The following LRP1B variants were observed in gnomAD, a reference collection of about 807,000 sequenced individuals.
The protein encoded by LRP1B is LDL receptor related protein 1B, also known as low-density lipoprotein receptor-related protein 1B.
A neutral mutation model predicts 556.6 loss-of-function variants in LRP1B; 217 were observed. That is an observed-to-expected ratio of 0.39 (90% CI 0.35 to 0.44). The LOEUF is 0.44. Ranked by LOEUF, LRP1B falls within the 20% of genes least tolerant of loss-of-function variation. The pLI, the probability that LRP1B is intolerant of heterozygous loss-of-function variation, is 1.00. For missense variants in LRP1B, 5,053 were observed against 5,620.8 expected, an observed-to-expected ratio of 0.90 and a Z score of 3.23; for synonymous variants, 2,047 against 1,865.8, an observed-to-expected ratio of 1.10 and a Z score of -2.50.
At chr2:141,200,792 T>A (rs1443279714) in intron 6 of LRP1B, among the ~76,000 whole-genome samples, 1 of 152,164 alleles carries the variant, frequency 6.6e-6, no homozygotes, top group Non-Finnish European at 1.5e-5. Flanking sequence ...GTCCTATATG[T>A]GTAATTCACT....
At chr2:140,943,837 C>T (rs1017136409) in intron 20 of LRP1B, among the ~76,000 whole-genome samples, 3 of 151,896 alleles carry the variant, frequency 2.0e-5, no homozygotes, top group Admixed American at 6.6e-5. Context: ...CTCAAATTAA[C>T]AATCTAATAT....
At chr2:141,631,422 T>C (rs1261792458) in intron 2 of LRP1B, among the ~76,000 whole-genome samples, 1 of 151,902 alleles carries the variant, frequency 6.6e-6, no homozygotes, top group Non-Finnish European at 1.5e-5. Context: ...TAGGAGATCA[T>C]TGTGTGAACT....
intron 3 of LRP1B, among the ~76,000 whole-genome samples, chr2:141,361,791 C>A (rs992643255): frequency 6.6e-6 from 1 of 152,124 alleles, no homozygotes; most frequent in African/African-American, 2.4e-5. Flanking sequence ...TTTGAGAAGT[C>A]TTTCCAGACC....
At chr2:141,357,604 G>C (rs1688674402) in intron 3 of LRP1B, among the ~76,000 whole-genome samples, 1 of 152,078 alleles carries the variant, frequency 6.6e-6, no homozygotes, top group African/African-American at 2.4e-5. Flanking sequence ...CCTCTTACTT[G>C]TAGCTGAAAA....
intron 41 of LRP1B, among the ~76,000 whole-genome samples, chr2:140,667,826 C>T (rs999341384): frequency 1.3e-5 from 2 of 152,102 alleles, no homozygotes; most frequent in Admixed American, 6.5e-5. Context: ...CAGTTATTTA[C>T]GAACTTGGCT....
At chr2:141,351,200 T>A (rs916020816) in intron 3 of LRP1B, among the ~76,000 whole-genome samples, 1 of 151,974 alleles carries the variant, frequency 6.6e-6, no homozygotes, top group African/African-American at 2.4e-5. Flanking sequence ...GAATCAAGAA[T>A]CAACATTTTT....
At chr2:141,690,942 C>T (rs543548375) in intron 2 of LRP1B, among the ~76,000 whole-genome samples, 5 of 151,584 alleles carry the variant, frequency 3.3e-5, no homozygotes, top group South Asian at 2.1e-4. Context: ...ATGAGACATA[C>T]GGGGGACGAA....
rs764826231 is a variant in LRP1B, at chr2:140,256,449, CTTTTTTTTTTTTTTTTTTTTT to C, written c.13248-9308_13248-9288del. ...GGTTTTCTTTTCTCTTTTTTCCTTCCTTTTTTTTTTTTTTTTTTTTTTTTTTTTTTTTTTTTTTAAGACAGA... is the reference window on the plus strand; with the variant it reads ...GGTTTTCTTTTCTCTTTTTTCCTTCCTTTTTTTTTTTTTTTTTAAGACAGA... On this transcript the variant is annotated intron_variant, in intron 86 of 90. Coordinates refer to ENST00000389484, the MANE Select transcript of LRP1B (RefSeq NM_018557.3). Among the ~76,000 whole-genome samples the C allele has an allele frequency of 6.3e-4, 16 of 25,336 alleles. No homozygotes were observed. The East Asian group carries it at 6.9e-3, about 11-fold the overall frequency. 16.6% of individuals were successfully genotyped at this position (25,336 alleles called of 152,430 possible).
chr2:141,214,702 A>G (rs1037784580), intron 6 of LRP1B, among the ~76,000 whole-genome samples: 1 of 152,174 alleles, frequency 6.6e-6, no homozygotes, highest in Non-Finnish European at 1.5e-5. Flanking sequence ...AGCTGTTCCT[A>G]TGTTCATTGG....
chr2:141,152,738 T>G lies in LRP1B; in HGVS notation c.1013+35683A>C, dbSNP rs146841424. 3.2e-3 allele frequency among the ~76,000 whole-genome samples: 490 copies of G among 151,966 alleles called. 6 individuals carry two copies. The highest frequency in any genetic ancestry group is 0.011 in the African/African-American group (466 of 41,534). On this transcript the variant is annotated intron_variant, in intron 7 of 90. Transcript: ENST00000389484. ...AGATATTACTATTCCAATAGTTTCC[T>G]TCTCAAATATTTTATTATCACATTA...
chr2:140,871,411 G>A (rs1693124612), intron 25 of LRP1B, among the ~76,000 whole-genome samples: 1 of 152,180 alleles, frequency 6.6e-6, no homozygotes, highest in Middle Eastern at 3.4e-3. Flanking sequence ...TAAGGAAACA[G>A]AGAAAGGGAG....
chr2:140,334,558 T>C lies in LRP1B; in HGVS notation c.12118A>G (p.Met4040Val). ...YAIAVNPKRGMMYWTVVGDHS... is the reference protein window; with the variant it reads ...YAIAVNPKRGVMYWTVVGDHS... Reference sequence around the variant, plus strand: ...TCCCCAACAACAGTCCAGTACATCATCCTGAAGAGAGCGGGTCAGAGAGGT... The same window carrying C: ...TCCCCAACAACAGTCCAGTACATCACCCTGAAGAGAGCGGGTCAGAGAGGT... Residue 4040 changes from methionine to valine, a missense_variant and splice_region_variant, in exon 79 of 91, where the codon ATG becomes GTG. This residue lies in a region of LRP1B where 599 missense variants were observed against 648.4 expected (regional missense o/e 0.92). Coordinates refer to ENST00000389484, the MANE Select transcript of LRP1B (RefSeq NM_018557.3). 1 of 1,558,746 alleles carries C rather than the reference T, an allele frequency of 6.4e-7. No homozygotes were observed. Among genetic ancestry groups the C allele is most frequent in the Non-Finnish European group, 8.7e-7 (1 of 1,151,624 alleles).
intron 5 of LRP1B, among the ~76,000 whole-genome samples, chr2:141,230,312 C>G (rs60370788): frequency 4.9e-4 from 75 of 152,328 alleles, no homozygotes; most frequent in African/African-American, 1.6e-3. Flanking sequence ...GAGGTCAAAA[C>G]TATCAGACAT....
chr2:140,526,484 C>T (rs929743088), intron 47 of LRP1B, 134 bp from the exon 48 acceptor site: 12 of 593,828 alleles, frequency 2.0e-5, no homozygotes, highest in South Asian at 1.0e-4. Flanking sequence ...CCAAACTTGA[C>T]CCCTGAACCC....
intron 7 of LRP1B, among the ~76,000 whole-genome samples, chr2:141,185,679 C>A (rs72853382): frequency 0.54 from 41,588 of 76,460 alleles, 6,968 homozygotes; most frequent in East Asian, 0.7. Context: ...AACTGAAAAA[C>A]AAACAAACAA....
chr2:140,988,659 G>T (rs1330460519), intron 17 of LRP1B, among the ~76,000 whole-genome samples: 1 of 152,110 alleles, frequency 6.6e-6, no homozygotes, highest in Admixed American at 6.6e-5. Flanking sequence ...CAACCCCTGG[G>T]TCTTCTCTCT....
At chr2:142,077,603 A>G (rs1003305473) in intron 1 of LRP1B, among the ~76,000 whole-genome samples, 1 of 152,138 alleles carries the variant, frequency 6.6e-6, no homozygotes, top group Non-Finnish European at 1.5e-5. Flanking sequence ...TTGGATTTAT[A>G]TATAAGGTAA....
intron 41 of LRP1B, among the ~76,000 whole-genome samples, chr2:140,639,224 C>T (rs1684185581): frequency 6.6e-6 from 1 of 152,046 alleles, no homozygotes; most frequent in African/African-American, 2.4e-5. Context: ...CCTTAAGTAC[C>T]ACTCCAAAAA....
At chr2:140,816,248 G>T (rs533033465) in intron 31 of LRP1B, among the ~76,000 whole-genome samples, 80 of 152,052 alleles carry the variant, frequency 5.3e-4, no homozygotes, top group African/African-American at 1.9e-3. Flanking sequence ...CTCCCAAGTG[G>T]CTGGGACTAT....
Sources: allele counts gnomAD v4.1 joint callset (sites outside exome capture counted in the v4.1 genomes callset), GRCh38; gene constraint gnomAD v4.1.1; regional missense constraint gnomAD v4.1.1; transcripts MANE v1.5; gene names NCBI Gene and HGNC (gene_info 2026-07-23, HGNC 2026-07-21).